The following CACNA1D variants were observed in gnomAD, a reference collection of about 807,000 sequenced individuals.
CACNA1D encodes calcium voltage-gated channel subunit alpha1 D.
A neutral mutation model predicts 257.1 loss-of-function variants in CACNA1D; 55 were observed. The observed-to-expected ratio is 0.21, with a 90% confidence interval of 0.17 to 0.27. The LOEUF is 0.27. CACNA1D is among the 10% of genes least tolerant of loss of function. The probability of loss-of-function intolerance (pLI) is 1.00; values close to 1 mark genes in which losing one functional copy is unlikely to be tolerated. For missense variants in CACNA1D, 1,876 were observed against 2,784.0 expected, an observed-to-expected ratio of 0.67 and a Z score of 7.34; for synonymous variants, 980 against 1,014.9, an observed-to-expected ratio of 0.97 and a Z score of 0.65.
chr3:53,776,757 G>C (rs377607551), intron 36 of CACNA1D, 27 bp downstream of exon 36: 1 of 1,614,200 alleles, frequency 6.2e-7, no homozygotes, highest in Non-Finnish European at 8.5e-7. Flanking sequence ...TTGATTTGGC[G>C]TGTGTGGGTG....
intron 3 of CACNA1D, among the ~76,000 whole-genome samples, chr3:53,506,368 A>G (rs1381266113): frequency 1.3e-5 from 2 of 152,126 alleles, no homozygotes; most frequent in African/African-American, 4.8e-5. Flanking sequence ...TGTTGTGGGA[A>G]GTGGCGTGGA....
chr3:53,664,540 A>G (rs933891942), intron 5 of CACNA1D, among the ~76,000 whole-genome samples: 2 of 152,046 alleles, frequency 1.3e-5, no homozygotes, highest in African/African-American at 4.8e-5. Context: ...TTTCTTTTCC[A>G]CTAACCACCA....
rs538996336 is a variant in CACNA1D at position 53,538,141 on chromosome 3, G to GTTTTTTTTTTTTTTTT, written c.483+36432_483+36447dup. Reference sequence around the variant, plus strand: ...TTCTCCATATTTACCAGTTTTTGAAGTTTTTTTTTTTTTTTTTTTTTTTTT... The same window carrying GTTTTTTTTTTTTTTTT: ...TTCTCCATATTTACCAGTTTTTGAAGTTTTTTTTTTTTTTTTTTTTTTTTTTTTTTTTTTTTTTTTT... On this transcript the variant is annotated intron_variant, in intron 3 of 47. Coordinates refer to ENST00000350061, the MANE Select transcript of CACNA1D (RefSeq NM_001128840.3). Among the ~76,000 whole-genome samples, 29 of 90,464 alleles carry GTTTTTTTTTTTTTTTT rather than the reference G, an allele frequency of 3.2e-4. 4 individuals are homozygous for GTTTTTTTTTTTTTTTT. Among genetic ancestry groups the GTTTTTTTTTTTTTTTT allele is most frequent in the African/African-American group, 1.6e-3 (26 of 16,670 alleles). 59.3% of individuals were successfully genotyped at this position (90,464 alleles called of 152,430 possible). A position where few individuals can be genotyped will look rare whatever the true frequency, so the allele number is the denominator to read the frequency against.
chr3:53,776,788 T>C (rs2095400209), intron 36 of CACNA1D, 58 bp downstream of exon 36: 5 of 1,614,028 alleles, frequency 3.1e-6, no homozygotes, highest in Non-Finnish European at 3.4e-6. Context: ...TGTCAGCTTT[T>C]TTTGTGGAGT....
At chr3:53,658,192 CTT>C (rs113734297) in intron 4 of CACNA1D, among the ~76,000 whole-genome samples, 2 of 145,600 alleles carry the variant, frequency 1.4e-5, no homozygotes. Flanking sequence ...GCCCGTGGCA[CTT>C]TTTTTTTTTT....
rs1419685536 is a variant in CACNA1D, at chr3:53,762,187, C to T, written c.3870+106C>T. ...CATCACCTGGACAAGTCACAGATCCCAGTCACTTGATCTGAAACTAGGATT... is the reference window on the plus strand; with the variant it reads ...CATCACCTGGACAAGTCACAGATCCTAGTCACTTGATCTGAAACTAGGATT... On this transcript the variant is annotated intron_variant, in intron 30 of 47. Coordinates refer to ENST00000350061, the MANE Select transcript of CACNA1D (RefSeq NM_001128840.3). 5.1e-6 allele frequency: 4 copies of T among 781,234 alleles called. No homozygotes were observed. In the African/African-American group the frequency reaches 6.8e-5, roughly 13 times the overall value. The allele number at this position is 781,234 out of a possible 1,614,324, so 48.4% of individuals were successfully genotyped here.
chr3:53,600,108 C>A (rs192170753), intron 3 of CACNA1D, among the ~76,000 whole-genome samples: 2 of 152,328 alleles, frequency 1.3e-5, no homozygotes, highest in Admixed American at 1.3e-4. Flanking sequence ...TGAGTTTGGC[C>A]CTTTGTCAGG....
intron 21 of CACNA1D, 94 bp from the exon 22 acceptor site, chr3:53,742,917 T>A: frequency 2.4e-6 from 2 of 821,604 alleles, no homozygotes; most frequent in Non-Finnish European, 4.4e-6. Flanking sequence ...CACTTGTTAA[T>A]GAAGTTATAC....
At chr3:53,501,576 G>C (rs1190473154) in intron 2 of CACNA1D, 39 bp from the exon 3 acceptor site, 6 of 1,066,706 alleles carry the variant, frequency 5.6e-6, no homozygotes, top group Non-Finnish European at 8.8e-6. Context: ...CATGGTTTAT[G>C]TTTCCATAAC....
intron 39 of CACNA1D, among the ~76,000 whole-genome samples, chr3:53,783,420 C>G (rs1376724065): frequency 6.6e-6 from 1 of 152,180 alleles, no homozygotes; most frequent in East Asian, 1.9e-4. Context: ...TTTCTTGGTC[C>G]AATAACTGGA....
chr3:53,652,115 T>A (rs1299305776), intron 4 of CACNA1D, among the ~76,000 whole-genome samples: 1 of 152,176 alleles, frequency 6.6e-6, no homozygotes, highest in African/African-American at 2.4e-5. Context: ...CGTACTTTCC[T>A]GTATTTGGTG....
intron 8 of CACNA1D, chr3:53,679,258 A>G (rs2094404708): frequency 1.4e-5 from 2 of 137,986 alleles, no homozygotes; most frequent in African/African-American, 2.8e-5. Flanking sequence ...TGACAAGAGC[A>G]AAACTCCATC....
At chr3:53,598,502 T>C (rs2093399952) in intron 3 of CACNA1D, among the ~76,000 whole-genome samples, 1 of 151,500 alleles carries the variant, frequency 6.6e-6, no homozygotes, top group Non-Finnish European at 1.5e-5. Context: ...GGAGAATCGC[T>C]TGAACCCAGG....
rs772224100 is a variant in CACNA1D at position 53,732,098 on chromosome 3, C to G, written c.2473+16C>G. On this transcript the variant is annotated intron_variant, in intron 18 of 47. Coordinates refer to ENST00000350061, the MANE Select transcript of CACNA1D (RefSeq NM_001128840.3). ...GATGTGCCAGGTATGGTGGCGGAGGCCGGAGACGCTGGCTTTGCTGTGTGT... is the reference window on the plus strand; with the variant it reads ...GATGTGCCAGGTATGGTGGCGGAGGGCGGAGACGCTGGCTTTGCTGTGTGT... 5.4e-5 allele frequency: 87 copies of G among 1,597,382 alleles called. 1 individual carries two copies. The South Asian group carries it at 8.2e-4, about 15-fold the overall frequency.
At chr3:53,717,204 G>C (rs914333748) in intron 9 of CACNA1D, among the ~76,000 whole-genome samples, 1 of 152,210 alleles carries the variant, frequency 6.6e-6, no homozygotes, top group Admixed American at 6.5e-5. Flanking sequence ...ATTCTCTTCC[G>C]TGACTTCCTC....
Position 53,800,290 on chromosome 3 carries a change from G to A in CACNA1D, c.4965G>A (p.Arg1655=), listed in dbSNP as rs1185877938. 6.2e-7 allele frequency: 1 copy of A among 1,614,060 alleles called. No homozygotes were observed. Among genetic ancestry groups the A allele is most frequent in the Non-Finnish European group, 8.5e-7 (1 of 1,179,998 alleles). The part of the protein sequence containing the change: ...RTLHDIGPEI[R]RAISCDLQDD... ...TGCATGACATTGGGCCAGAAATCCG[G>A]CGTGCTATATCGTGTGATTTGCAAG... is the stretch of plus-strand genomic sequence containing the variant. The change falls in exon 41 of 48, where the codon CGG becomes CGA. Residue 1655 remains arginine (R), a synonymous_variant. Coordinates refer to ENST00000350061, the MANE Select transcript of CACNA1D (RefSeq NM_001128840.3). This position sits in a 1 kb window ranked among gnomAD's most constrained non-coding sequence, Gnocchi z 4.3.
In CACNA1D at chr3:53,811,275, G is replaced by A; in HGVS notation, c.6355G>A (p.Val2119Met). 2 of 1,613,960 alleles carry A rather than the reference G, an allele frequency of 1.2e-6. No individual in the cohort carries two copies. Among genetic ancestry groups the A allele is most frequent in the East Asian group, 2.2e-5 (1 of 44,868 alleles). ...CGTGCGTCCCCGAGCCAACGGGGAT[G>A]TGGGCCCCCTCTCACACCGGCAGGA... ...GNVRPRANGD[V>M]GPLSHRQDYE... The change falls in exon 48 of 48, where the codon GTG becomes ATG. Residue 2119 changes from valine to methionine, a missense_variant. Physicochemically the swap from Val to Met is conservative, Grantham distance 21. Around this residue, in one of 10 missense-constraint regions of CACNA1D, gnomAD observed 491 missense variants for 554.3 expected, o/e 0.89. Coordinates refer to ENST00000350061, the MANE Select transcript of CACNA1D (RefSeq NM_001128840.3). The surrounding 1 kb of genome is among the most constrained non-coding windows in gnomAD (Gnocchi z 4.2).
In CACNA1D at chr3:53,673,708, T is replaced by C. The variant is rs2094347503; in HGVS notation, c.1220+582T>C. The C allele has an allele frequency of 6.3e-7, 1 of 1,595,728 alleles. No individual in the cohort carries two copies. Among genetic ancestry groups the C allele is most frequent in the African/African-American group, 1.3e-5 (1 of 74,620 alleles). Reference sequence around the variant, plus strand: ...ACTGATAACTGATCTCCTTACATTTTACAGGTAAATGATGCGATAGGATGG... The same window carrying C: ...ACTGATAACTGATCTCCTTACATTTCACAGGTAAATGATGCGATAGGATGG... On this transcript the variant is annotated intron_variant, in intron 8 of 47. Coordinates refer to ENST00000350061, the MANE Select transcript of CACNA1D (RefSeq NM_001128840.3). The surrounding 1 kb of genome is among the most constrained non-coding windows in gnomAD (Gnocchi z 4.1).
chr3:53,519,846 A>G (rs1463168251), intron 3 of CACNA1D, among the ~76,000 whole-genome samples: 1 of 152,128 alleles, frequency 6.6e-6, no homozygotes, highest in Non-Finnish European at 1.5e-5. Context: ...GGCAATTGCT[A>G]ATCTGCTTTC....
Sources: gnomAD v4.1 joint callset for allele counts (sites outside exome capture counted in the v4.1 genomes callset) on GRCh38, gnomAD v4.1.1 for gene constraint, gnomAD v4.1.1 regional missense constraint, Gnocchi (gnomAD v3.1) non-coding constraint, MANE v1.5 for transcripts, NCBI Gene and HGNC (gene_info 2026-07-23, HGNC 2026-07-21) for gene names.